Variants in TRPC6 observed in about 807,000 individuals in gnomAD.
The protein encoded by TRPC6 is short transient receptor potential channel 6.
A neutral mutation model predicts 90.7 loss-of-function variants in TRPC6; 55 were observed. The ratio of observed to expected loss-of-function variants is 0.61; its 90% CI spans 0.49 to 0.76. TRPC6 has a LOEUF of 0.76. Among genes scored for constraint, TRPC6 ranks in the 30% least tolerant of loss-of-function variants. The probability of loss-of-function intolerance (pLI) is 0.00; values close to 1 mark genes in which losing one functional copy is unlikely to be tolerated. For synonymous variants in TRPC6, 393 were observed against 393.0 expected (o/e 1.00, Z 0.00); for missense variants, 989 against 1,122.7 (o/e 0.88, Z 1.70).
chr11:101,568,083 G>C (rs771897610), intron 1 of TRPC6, among the ~76,000 whole-genome samples: 37 of 152,178 alleles, frequency 2.4e-4, no homozygotes, highest in Non-Finnish European at 4.1e-4. Context: ...ACCTAAAGGA[G>C]TATGTTCTAA....
intron 8 of TRPC6, 92 bp downstream of exon 8, chr11:101,472,045 A>C: frequency 7.8e-7 from 1 of 1,281,410 alleles, no homozygotes; most frequent in South Asian, 1.2e-5. Context: ...AAGGGCGAAG[A>C]GCAGTCCATG....
chr11:101,537,559 T>C (rs910869714), intron 1 of TRPC6, among the ~76,000 whole-genome samples: 1 of 152,214 alleles, frequency 6.6e-6, no homozygotes, highest in Non-Finnish European at 1.5e-5. Context: ...ATTTTGGTCA[T>C]CTGGGGCACA....
At chr11:101,493,082 CTAA>C (rs1332234299) in intron 2 of TRPC6, among the ~76,000 whole-genome samples, 1 of 152,014 alleles carries the variant, frequency 6.6e-6, no homozygotes, top group African/African-American at 2.4e-5. Flanking sequence ...CATGCTTTTT[CTAA>C]TATTTCCTCC....
intron 1 of TRPC6, among the ~76,000 whole-genome samples, chr11:101,581,106 C>CT (rs1862187145): frequency 1.3e-5 from 2 of 152,318 alleles, no homozygotes; most frequent in East Asian, 3.9e-4. Flanking sequence ...ATGGCTCACT[C>CT]TTACATGTAT....
intron 2 of TRPC6, among the ~76,000 whole-genome samples, 189 bp from the exon 3 acceptor site, chr11:101,491,927 G>A (rs950820338): frequency 8.2e-5 from 11 of 133,782 alleles, no homozygotes; most frequent in African/African-American, 1.4e-4. Flanking sequence ...TGCAAGATCC[G>A]CCTCCTGGGT....
intron 1 of TRPC6, among the ~76,000 whole-genome samples, chr11:101,546,724 G>A (rs570125663): frequency 3.9e-5 from 6 of 152,268 alleles, no homozygotes; most frequent in African/African-American, 1.2e-4. Flanking sequence ...AAGTGCAGCT[G>A]CAGGAAAATT....
At chr11:101,519,219 T>C (rs1860593902) in intron 1 of TRPC6, among the ~76,000 whole-genome samples, 2 of 152,174 alleles carry the variant, frequency 1.3e-5, no homozygotes, top group Non-Finnish European at 2.9e-5. Flanking sequence ...ACTCAAAGGA[T>C]AAATGCTTGA....
chr11:101,504,736 C>T lies in TRPC6; in HGVS notation c.233G>A (p.Arg78Lys), dbSNP rs201516250. The T allele has an allele frequency of 2.5e-6, 4 of 1,599,730 alleles. No individual in the cohort carries two copies. The South Asian group carries it at 3.4e-5, about 14-fold the overall frequency. The change falls in exon 2 of 13, where the codon AGG (arginine) becomes AAG (lysine). Residue 78 changes from arginine (R) to lysine (K), a missense_variant. By Grantham distance (26) the Arg-to-Lys change is conservative (BLOSUM62 2). Transcript: ENST00000344327. Reference protein sequence around the residue: ...RQTVLREKGRRLANRGPAYMF... With the variant: ...RQTVLREKGRKLANRGPAYMF... ...GTATGCTGGTCCTCGATTAGCTAACCTTCTCCCCTTCTCACGGAGAACTGT... is the reference window on the plus strand; with the variant it reads ...GTATGCTGGTCCTCGATTAGCTAACTTTCTCCCCTTCTCACGGAGAACTGT...
chr11:101,537,108 A>G (rs942255690), intron 1 of TRPC6, among the ~76,000 whole-genome samples: 5 of 152,220 alleles, frequency 3.3e-5, no homozygotes, highest in Admixed American at 1.3e-4. Context: ...GTACTTTGGG[A>G]TAAGATAATG....
In TRPC6 at chr11:101,476,207, TTA is replaced by T. The variant is rs1333068008; in HGVS notation, c.1744+92_1744+93del. 3.9e-6 allele frequency: 4 copies of T among 1,033,086 alleles called. No homozygotes were observed. The African/African-American group carries it at 6.4e-5, about 17-fold the overall frequency. 64.0% of individuals were successfully genotyped at this position (1,033,086 alleles called of 1,614,324 possible). ...AGATGTTGGAAACTCACAAACAATT[TTA>T]TGAGAATTGTGCAGTAACCGAACTA... On this transcript the variant is annotated intron_variant, in intron 6 of 12. Transcript: ENST00000344327.
intron 10 of TRPC6, among the ~76,000 whole-genome samples, chr11:101,459,290 T>C (rs1858951154): frequency 6.6e-6 from 1 of 152,158 alleles, no homozygotes; most frequent in Non-Finnish European, 1.5e-5. Flanking sequence ...TGTGAGGCTC[T>C]GCTCACCTGT....
chr11:101,452,645 C>T lies in TRPC6; in HGVS notation c.*310G>A, dbSNP rs200582003. The T allele has an allele frequency of 3.3e-6, 1 of 303,526 alleles. No individual in the cohort carries two copies. Among genetic ancestry groups the T allele is most frequent in the Non-Finnish European group, 6.2e-6 (1 of 160,164 alleles). The allele number at this position is 303,526 out of a possible 1,614,324, so 18.8% of individuals were successfully genotyped here. A position where few individuals can be genotyped will look rare whatever the true frequency, so the allele number is the denominator to read the frequency against. ...TGGGTCAGCCCCTGTCCGCTGGGACCCATTTTCAGGCAGACACTACATGGC... is the reference window on the plus strand; with the variant it reads ...TGGGTCAGCCCCTGTCCGCTGGGACTCATTTTCAGGCAGACACTACATGGC... On this transcript the variant is annotated 3_prime_UTR_variant, in exon 13 of 13. Coordinates refer to ENST00000344327, the MANE Select transcript of TRPC6 (RefSeq NM_004621.6).
chr11:101,509,027 A>G (rs1213183105), intron 1 of TRPC6, among the ~76,000 whole-genome samples: 1 of 152,132 alleles, frequency 6.6e-6, no homozygotes, highest in African/African-American at 2.4e-5. Context: ...TTATAAAAAT[A>G]AGAAGGACAC....
At chr11:101,565,414 C>G (rs1861806851) in intron 1 of TRPC6, among the ~76,000 whole-genome samples, 1 of 152,010 alleles carries the variant, frequency 6.6e-6, no homozygotes, top group Non-Finnish European at 1.5e-5. Context: ...CTCAATACTT[C>G]CTGAAATTAC....
At chr11:101,522,569 C>G (rs561560542) in intron 1 of TRPC6, among the ~76,000 whole-genome samples, 1 of 152,232 alleles carries the variant, frequency 6.6e-6, no homozygotes, top group Admixed American at 6.5e-5. Context: ...ATCTCAACCT[C>G]TAACATTCCA....
chr11:101,531,704 T>C (rs1860916171), intron 1 of TRPC6, among the ~76,000 whole-genome samples: 1 of 152,236 alleles, frequency 6.6e-6, no homozygotes, highest in East Asian at 1.9e-4. Context: ...AATCTAAATA[T>C]GCAAGGCCCA....
rs535236040 is a variant in TRPC6, at chr11:101,467,994, AG to A, written c.2484+1432del. Reference sequence around the variant, plus strand: ...AAATGCAATCTAGATTCACCTGGATAGGCAAGCCAAACAAAACTTGTCTGAA... The same window carrying A: ...AAATGCAATCTAGATTCACCTGGATAGCAAGCCAAACAAAACTTGTCTGAA... On this transcript the variant is annotated intron_variant, in intron 10 of 12. Coordinates refer to ENST00000344327, the MANE Select transcript of TRPC6 (RefSeq NM_004621.6). Among the ~76,000 whole-genome samples, 391 of 152,312 alleles carry A rather than the reference AG, an allele frequency of 2.6e-3. 1 individual carries two copies. Among genetic ancestry groups the A allele is most frequent in the African/African-American group, 8.9e-3 (369 of 41,566 alleles).
At chr11:101,516,037 C>T (rs951580693) in intron 1 of TRPC6, among the ~76,000 whole-genome samples, 1 of 148,400 alleles carries the variant, frequency 6.7e-6, no homozygotes, top group Admixed American at 6.8e-5. Flanking sequence ...CACTCCTGAA[C>T]AGGCATGGCA....
chr11:101,565,745 T>C (rs973331602), intron 1 of TRPC6, among the ~76,000 whole-genome samples: 3 of 152,128 alleles, frequency 2.0e-5, no homozygotes, highest in African/African-American at 7.2e-5. Context: ...ATTTTCTAAT[T>C]TATTTGACAA....
Sources: allele counts gnomAD v4.1 joint callset (sites outside exome capture counted in the v4.1 genomes callset), GRCh38; gene constraint gnomAD v4.1.1; transcripts MANE v1.5; gene names NCBI Gene and HGNC (gene_info 2026-07-23, HGNC 2026-07-21).